PIK3R5: variants seen among roughly 807,000 people sequenced by gnomAD.
The protein encoded by PIK3R5 is phosphoinositide-3-kinase regulatory subunit 5, also known as phosphoinositide 3-kinase regulatory subunit 5.
A neutral mutation model predicts 94.9 loss-of-function variants in PIK3R5; 32 were observed. The ratio of observed to expected loss-of-function variants is 0.34; its 90% CI spans 0.25 to 0.45. The LOEUF (loss-of-function observed/expected upper bound fraction) is 0.45, where lower values mean the gene tolerates loss of function less well. Among genes scored for constraint, PIK3R5 ranks in the 20% least tolerant of loss-of-function variants. The pLI is 1.00. For missense variants in PIK3R5, 853 were observed against 1,144.6 expected (o/e 0.75, Z 3.68); for synonymous variants, 443 against 479.4 (o/e 0.92, Z 0.99).
intron 1 of PIK3R5, among the ~76,000 whole-genome samples, chr17:8,959,433 G>A (rs912413669): frequency 1.3e-5 from 2 of 152,218 alleles, no homozygotes; most frequent in Admixed American, 6.5e-5. Flanking sequence ...GTGTGTGTGT[G>A]TGTGTGTGCA....
rs775810359 is a variant in PIK3R5, at chr17:8,888,282, C to T, written c.1505G>A (p.Arg502His). Reference protein sequence around the residue: ...LLAPASRPQRRRPFLSGDEDP... With the variant: ...LLAPASRPQRHRPFLSGDEDP... ...CTCATCTCCACTCAGGAAGGGGCGG[C>T]GGCGCTGGGGGCGTGAAGCAGGGGC... is the stretch of plus-strand genomic sequence containing the variant. The change falls in exon 10 of 19, where the codon CGC becomes CAC. Residue 502 changes from arginine to histidine, a missense_variant. Around this residue, in one of 6 missense-constraint regions of PIK3R5, gnomAD observed 319 missense variants for 339.8 expected, o/e 0.94. Coordinates refer to ENST00000447110, the MANE Select transcript of PIK3R5 (RefSeq NM_001142633.3). The surrounding 1 kb of genome is among the most constrained non-coding windows in gnomAD (Gnocchi z 7.8). 14 of 1,613,124 alleles carry T rather than the reference C, an allele frequency of 8.7e-6. No individual in the cohort carries two copies. The highest frequency in any genetic ancestry group is 3.3e-4 in the Middle Eastern group (2 of 6,084).
At position 8,925,522 on chromosome 17, in the gene PIK3R5, ATAGATAGATAG is replaced by A. The variant is rs1250807530; in HGVS notation, c.-13-14026_-13-14016del. 1.7e-4 allele frequency among the ~76,000 whole-genome samples: 26 copies of A among 151,918 alleles called. No homozygotes were observed. The highest frequency in any genetic ancestry group is 5.8e-4 in the African/African-American group (24 of 41,190). ...AGATGGATAGATAGTAGATGGATAG[ATAGATAGATAG>A]TAGATAGATAGTAGATGGATAGATA... On this transcript the variant is annotated intron_variant, in intron 1 of 18. Coordinates refer to ENST00000447110, the MANE Select transcript of PIK3R5 (RefSeq NM_001142633.3). This position sits in a 1 kb window ranked among gnomAD's most constrained non-coding sequence, Gnocchi z 5.1.
At chr17:8,946,896 C>T (rs1169808276) in intron 1 of PIK3R5, among the ~76,000 whole-genome samples, 4 of 152,140 alleles carry the variant, frequency 2.6e-5, no homozygotes, top group Non-Finnish European at 4.4e-5. Context: ...TCCTGCCTTA[C>T]TTTTTCCCAC....
chr17:8,911,490 T>C lies in PIK3R5; in HGVS notation c.5A>G (p.Gln2Arg), dbSNP rs1013901249. 2 of 1,598,944 alleles carry C rather than the reference T, an allele frequency of 1.3e-6. No individual in the cohort carries two copies. Among genetic ancestry groups the C allele is most frequent in the Admixed American group, 3.3e-5 (2 of 59,986 alleles). Reference protein sequence around the residue: MQPGATTCTEDR... With the variant: MRPGATTCTEDR... ...CTCCGTGCATGTCGTGGCCCCTGGC[T>C]GCATCCTGGGTCATCGCCTGCATGG... Residue 2 changes from glutamine to arginine, a missense_variant, in exon 2 of 19, where the codon CAG (glutamine) becomes CGG (arginine). Coordinates refer to ENST00000447110, the MANE Select transcript of PIK3R5 (RefSeq NM_001142633.3). The surrounding 1 kb of genome is among the most constrained non-coding windows in gnomAD (Gnocchi z 5.3).
rs555183643 is a variant in PIK3R5 at position 8,946,774 on chromosome 17, G to T, written c.-14+18822C>A. ...CTGCCTCAGGACCTTCGCGCCTGCC[G>T]TTCTCTCTGCCTGAGTGCTCTTCTT... On this transcript the variant is annotated intron_variant, in intron 1 of 18. Transcript: ENST00000447110. Among the ~76,000 whole-genome samples, 21 of 152,078 alleles carry T rather than the reference G, an allele frequency of 1.4e-4. No homozygotes were observed. In the South Asian group the frequency reaches 4.4e-3, roughly 32 times the overall value.
chr17:8,885,410 A>AGGCAACCCCGCCTCCCC (rs2089800176), intron 14 of PIK3R5, among the ~76,000 whole-genome samples: 3 of 81,772 alleles, frequency 3.7e-5, no homozygotes, highest in Non-Finnish European at 7.4e-5. Flanking sequence ...CCCACCTACC[A>AGGCAACCCCGCCTCCCC]GGCAACCCCG....
chr17:8,958,952 T>G (rs2091511442), intron 1 of PIK3R5, among the ~76,000 whole-genome samples: 1 of 152,162 alleles, frequency 6.6e-6, no homozygotes, highest in African/African-American at 2.4e-5. Flanking sequence ...GAGATGAGGT[T>G]TCTCCATGTT....
intron 5 of PIK3R5, among the ~76,000 whole-genome samples, chr17:8,900,024 C>T (rs4791768): frequency 6.6e-6 from 1 of 150,830 alleles, no homozygotes; most frequent in African/African-American, 2.4e-5. Context: ...GGTGACAGAG[C>T]GAGATTCCAT....
At chr17:8,906,984 A>G (rs2090409978) in intron 3 of PIK3R5, among the ~76,000 whole-genome samples, 1 of 152,158 alleles carries the variant, frequency 6.6e-6, no homozygotes, top group Non-Finnish European at 1.5e-5. Flanking sequence ...CATCATTTTT[A>G]GCTGCATTAT....
rs2089943245 is a variant in PIK3R5, at chr17:8,888,608, C to T, written c.1179G>A (p.Glu393=). ...ACTCGGAGGAGCTCTCCTCGCTGTC[C>T]TCCACGTAGCCGCTGTCCATGCCAT... ...LSDGMDSGYV[E]DSEESSSEWP... Residue 393 remains glutamate (E), a synonymous_variant, in exon 10 of 19, where the codon GAG becomes GAA. Coordinates refer to ENST00000447110, the MANE Select transcript of PIK3R5 (RefSeq NM_001142633.3). This position sits in a 1 kb window ranked among gnomAD's most constrained non-coding sequence, Gnocchi z 7.8. The T allele has an allele frequency of 6.2e-7, 1 of 1,612,522 alleles. No homozygotes were observed. The highest frequency in any genetic ancestry group is 2.2e-5 in the East Asian group (1 of 44,860).
At chr17:8,898,191 T>C (rs746602766) in intron 5 of PIK3R5, among the ~76,000 whole-genome samples, 8 of 152,224 alleles carry the variant, frequency 5.3e-5, no homozygotes, top group Non-Finnish European at 1.0e-4. Flanking sequence ...AAAATCCAAA[T>C]GTCTGTGATC....
At chr17:8,929,806 A>G (rs1597413132) in intron 1 of PIK3R5, among the ~76,000 whole-genome samples, 2 of 152,242 alleles carry the variant, frequency 1.3e-5, no homozygotes, top group African/African-American at 4.8e-5. Flanking sequence ...TTGGAGACTC[A>G]GAATGGGGGA....
In PIK3R5 at chr17:8,888,914, C is replaced by A; in HGVS notation, c.896-23G>T. On this transcript the variant is annotated intron_variant, in intron 9 of 18. Coordinates refer to ENST00000447110, the MANE Select transcript of PIK3R5 (RefSeq NM_001142633.3). This position sits in a 1 kb window ranked among gnomAD's most constrained non-coding sequence, Gnocchi z 7.8. The stretch of plus-strand genomic sequence containing the variant: ...TGTCTGCAGGGAAGCAAGGCCAGCA[C>A]TGTCTGGGCGTCTGGGCCCCGGATC... 1 of 1,579,918 alleles carries A rather than the reference C, an allele frequency of 6.3e-7. No homozygotes were observed. Among genetic ancestry groups the A allele is most frequent in the Non-Finnish European group, 8.6e-7 (1 of 1,166,962 alleles).
intron 1 of PIK3R5, among the ~76,000 whole-genome samples, chr17:8,936,926 AT>A (rs552080116): frequency 6.6e-6 from 1 of 152,080 alleles, no homozygotes; most frequent in Non-Finnish European, 1.5e-5. Flanking sequence ...ATTTCTGTAG[AT>A]TTTTTTATCC....
chr17:8,881,049 C>A lies in PIK3R5; in HGVS notation c.2383-32G>T, dbSNP rs2089644600. 6.6e-7 allele frequency: 1 copy of A among 1,525,556 alleles called. No individual in the cohort carries two copies. Among genetic ancestry groups the A allele is most frequent in the Non-Finnish European group, 9.1e-7 (1 of 1,099,088 alleles). The allele number at this position is 1,525,556 out of a possible 1,614,324, so 94.5% of individuals were successfully genotyped here. A position where few individuals can be genotyped will look rare whatever the true frequency, so the allele number is the denominator to read the frequency against. ...GGAAGGCCCAGGTCAGCCCCAAATCCCTGGCCATCCAACACTGCCAGCCCC... is the reference window on the plus strand; with the variant it reads ...GGAAGGCCCAGGTCAGCCCCAAATCACTGGCCATCCAACACTGCCAGCCCC... On this transcript the variant is annotated intron_variant, in intron 17 of 18. Coordinates refer to ENST00000447110, the MANE Select transcript of PIK3R5 (RefSeq NM_001142633.3). The surrounding 1 kb of genome is among the most constrained non-coding windows in gnomAD (Gnocchi z 4.8).
intron 12 of PIK3R5, 32 bp from the exon 13 acceptor site, chr17:8,886,637 G>C: frequency 6.4e-7 from 1 of 1,550,612 alleles, no homozygotes; most frequent in Non-Finnish European, 8.7e-7. Flanking sequence ...AGCCAAGCCA[G>C]ATGGGTGGGT....
chr17:8,890,327 C>T lies in PIK3R5; in HGVS notation c.658-201G>A, dbSNP rs752960495. Among the ~76,000 whole-genome samples the T allele has an allele frequency of 6.6e-6, 1 of 152,122 alleles. No individual in the cohort carries two copies. The highest frequency in any genetic ancestry group is 1.9e-4 in the East Asian group (1 of 5,184). ...AGGAAATGGTCAGGAGAGAAAGATC[C>T]AGAGCCACGGCACTGCAGTTAGGAG... is the stretch of plus-strand genomic sequence containing the variant. On this transcript the variant is annotated intron_variant, in intron 7 of 18. Coordinates refer to ENST00000447110, the MANE Select transcript of PIK3R5 (RefSeq NM_001142633.3). The surrounding 1 kb of genome is among the most constrained non-coding windows in gnomAD (Gnocchi z 6.1).
chr17:8,889,063 G>T lies in PIK3R5; in HGVS notation c.895+76C>A. On this transcript the variant is annotated intron_variant, in intron 9 of 18. Coordinates refer to ENST00000447110, the MANE Select transcript of PIK3R5 (RefSeq NM_001142633.3). The surrounding 1 kb of genome is among the most constrained non-coding windows in gnomAD (Gnocchi z 4.1). Reference sequence around the variant, plus strand: ...GGAGAGCTTTGGGGACGGGGTGGGAGCTGCATGGACCCAGGACCAGAAACA... The same window carrying T: ...GGAGAGCTTTGGGGACGGGGTGGGATCTGCATGGACCCAGGACCAGAAACA... The T allele has an allele frequency of 2.0e-6, 3 of 1,528,340 alleles. No homozygotes were observed. The highest frequency in any genetic ancestry group is 2.7e-6 in the Non-Finnish European group (3 of 1,123,228). 94.7% of individuals were successfully genotyped at this position (1,528,340 alleles called of 1,614,324 possible). A position where few individuals can be genotyped will look rare whatever the true frequency, so the allele number is the denominator to read the frequency against.
chr17:8,912,033 T>G (rs918460917), intron 1 of PIK3R5: 1 of 152,484 alleles, frequency 6.6e-6, no homozygotes, highest in Non-Finnish European at 1.5e-5. Flanking sequence ...CAGGCATCTG[T>G]TTCCTTTCTG....
Sources: gnomAD v4.1 joint callset for allele counts (sites outside exome capture counted in the v4.1 genomes callset) on GRCh38, gnomAD v4.1.1 for gene constraint, gnomAD v4.1.1 regional missense constraint, Gnocchi (gnomAD v3.1) non-coding constraint, MANE v1.5 for transcripts, NCBI Gene and HGNC (gene_info 2026-07-23, HGNC 2026-07-21) for gene names.